The following HOOK2 variants were observed in gnomAD, a reference collection of about 807,000 sequenced individuals.
HOOK2 encodes the protein protein Hook homolog 2.
HOOK2 carries 108 observed loss-of-function variants against 111.9 expected under a neutral mutation model. The observed-to-expected ratio is 0.96, with a 90% CI of 0.83 to 1.13. The LOEUF (loss-of-function observed/expected upper bound fraction) is 1.13. HOOK2 is among the 50% of genes most tolerant of loss of function. HOOK2 has a pLI of 0.00. For synonymous variants in HOOK2, 405 were observed against 394.3 expected (o/e 1.03, Z -0.32); for missense variants, 978 against 951.3 (o/e 1.03, Z -0.37).
chr19:12,764,674 T>C (rs1332331576), intron 20 of HOOK2, 140 bp downstream of exon 20: 7 of 711,846 alleles, frequency 9.8e-6, no homozygotes, highest in Admixed American at 2.2e-5. Flanking sequence ...TGGGGAATCA[T>C]GCAGAAGTCT....
At chr19:12,765,239 C>T (rs953175072) in intron 18 of HOOK2, 158 bp from the exon 19 acceptor site, 2 of 692,132 alleles carry the variant, frequency 2.9e-6, no homozygotes, top group African/African-American at 1.8e-5. Flanking sequence ...GTGCCCTGGT[C>T]CCACCGGCTC....
chr19:12,790,835 G>A lies in HOOK2; in HGVS notation n.42-16610C>T, dbSNP rs886261847. ...CGCTTACGGGAGAGCCTCAGACTCT[G>A]GACTCAGCTCCCATGAGCTCCTGGA... On this transcript the variant is annotated intron_variant and non_coding_transcript_variant, in intron 3 of 3. Coordinates refer to the HOOK2 transcript ENST00000589765. This position sits in a 1 kb window ranked among gnomAD's most constrained non-coding sequence, Gnocchi z 7.2. 1.3e-5 allele frequency among the ~76,000 whole-genome samples: 2 copies of A among 152,146 alleles called. No homozygotes were observed. Among genetic ancestry groups the A allele is most frequent in the East Asian group, 1.9e-4 (1 of 5,188 alleles).
rs1423298759 is a variant in HOOK2, at chr19:12,771,390, G to A, written c.600+7C>T. ...CTCAAGTGACCCTGCCCCACCTAGG[G>A]CCCTACCTGCCGCTCCAGATCCAGA... On this transcript the variant is annotated splice_region_variant and intron_variant, in intron 8 of 22. Transcript: ENST00000397668. The A allele has an allele frequency of 6.2e-7, 1 of 1,612,330 alleles. No homozygotes were observed. The highest frequency in any genetic ancestry group is 1.3e-5 in the African/African-American group (1 of 74,912).
intron 1 of HOOK2, 121 bp from the exon 2 acceptor site, chr19:12,775,018 A>T: frequency 8.7e-7 from 1 of 1,148,864 alleles, no homozygotes; most frequent in Non-Finnish European, 1.2e-6. Context: ...GCTCCGCCAC[A>T]GCAGCTCTGC....
chr19:12,769,856 G>A, intron 11 of HOOK2, 25 bp downstream of exon 11: 2 of 1,391,816 alleles, frequency 1.4e-6, no homozygotes, highest in Non-Finnish European at 1.8e-6. Context: ...GCGGGGCCCC[G>A]GCCCTAACCC....
intron 6 of HOOK2, 120 bp from the exon 7 acceptor site, chr19:12,772,372 C>T: frequency 3.3e-6 from 4 of 1,205,306 alleles, no homozygotes; most frequent in Non-Finnish European, 4.9e-6. Context: ...GCCCAATAAC[C>T]CCAGCCCAGA....
At chr19:12,776,646 T>C (rs1968519755), upstream of HOOK2, among the ~76,000 whole-genome samples, 1 of 131,066 alleles carries the variant, frequency 7.6e-6, no homozygotes, top group African/African-American at 2.9e-5. Context: ...ACCACTGCAC[T>C]CCAGGGGGCA....
At position 12,791,673 on chromosome 19, in the gene HOOK2, C is replaced by A. The variant is rs571678347; in HGVS notation, n.42-17448G>T. 6 of 856,454 alleles carry A rather than the reference C, an allele frequency of 7.0e-6. No individual in the cohort carries two copies. The Admixed American group carries it at 1.3e-4, about 19-fold the overall frequency. The allele number at this position is 856,454 out of a possible 1,614,324, so 53.1% of individuals were successfully genotyped here. On this transcript the variant is annotated intron_variant and non_coding_transcript_variant, in intron 3 of 3. Transcript: ENST00000589765. This position sits in a 1 kb window ranked among gnomAD's most constrained non-coding sequence, Gnocchi z 7.0. ...CAGCCCCCGAGAACGCGCGACCAGG[C>A]ACCCAGTCCGGTCACCGCAGCGGAG... is the stretch of plus-strand genomic sequence containing the variant.
At chr19:12,770,826 A>C in intron 10 of HOOK2, 106 bp downstream of exon 10, 2 of 1,401,462 alleles carry the variant, frequency 1.4e-6, no homozygotes, top group Non-Finnish European at 1.9e-6. Context: ...TTGGGGGTTC[A>C]CTGGGCACAT....
At chr19:12,775,702 G>GC, upstream of HOOK2, 1 of 368,524 alleles carries the variant, frequency 2.7e-6, no homozygotes. Context: ...CGCCCGCCCT[G>GC]CCGCTAGGGG....
chr19:12,783,680 A>G (rs1568379743), intron 3 of HOOK2, among the ~76,000 whole-genome samples: 1 of 151,994 alleles, frequency 6.6e-6, no homozygotes, highest in Non-Finnish European at 1.5e-5. Context: ...CCCATCTGAA[A>G]ATGAGGGATC....
rs201910676 is a variant in HOOK2, at chr19:12,766,197, T to G, written c.1417A>C (p.Arg473=). 12,966 of 1,596,032 alleles carry G rather than the reference T, an allele frequency of 8.1e-3. 74 individuals carry two copies. Among genetic ancestry groups the G allele is most frequent in the Non-Finnish European group, 0.01 (11,983 of 1,177,886 alleles). ...CGCTCCCGGTCGGCCGCCTCCTGCC[T>G]GCACAGCCGCTTGTTCTCCAGCTGA... is the stretch of plus-strand genomic sequence containing the variant. ...RLQLENKRLC[R]QEAADRERQE... The change falls in exon 15 of 23, where the codon AGG becomes CGG. Residue 473 remains arginine, a synonymous_variant. Coordinates refer to ENST00000397668, the MANE Select transcript of HOOK2 (RefSeq NM_013312.3).
upstream of HOOK2, among the ~76,000 whole-genome samples, chr19:12,782,500 C>T (rs1033613466): frequency 2.0e-4 from 30 of 152,364 alleles, no homozygotes; most frequent in African/African-American, 7.0e-4. Flanking sequence ...CCCCGCCGTT[C>T]CCCTCCGGGA....
chr19:12,763,736 C>T lies in HOOK2; in HGVS notation c.1870G>A (p.Ala624Thr), dbSNP rs772162051. 7 of 1,614,132 alleles carry T rather than the reference C, an allele frequency of 4.3e-6. No homozygotes were observed. The highest frequency in any genetic ancestry group is 2.2e-5 in the East Asian group (1 of 44,876). Reference sequence around the variant, plus strand: ...CTCAGGGAATGGAGTTCTGGAGGTGCCCCCGCAGCTGGCCGCTGCTTGGGT... The same window carrying T: ...CTCAGGGAATGGAGTTCTGGAGGTGTCCCCGCAGCTGGCCGCTGCTTGGGT... ...MEPKQRPAAG[A>T]PPELHSLRTQ... Residue 624 changes from alanine to threonine, a missense_variant, in exon 21 of 23, where the codon GCA becomes ACA. Ala to Thr is a moderately conservative substitution (Grantham distance 58). Transcript: ENST00000397668.
chr19:12,785,488 CAT>C (rs1385428901), intron 3 of HOOK2, among the ~76,000 whole-genome samples: 1 of 152,088 alleles, frequency 6.6e-6, no homozygotes, highest in African/African-American at 2.4e-5. Flanking sequence ...CACAAACACA[CAT>C]ACACACCGAC....
rs761506507 is a variant in HOOK2, at chr19:12,763,751, G to A, written c.1855C>T (p.Arg619Trp). Residue 619 changes from arginine (R) to tryptophan (W), a missense_variant, in exon 21 of 23, where the codon CGG becomes TGG. Physicochemically the swap from Arg to Trp is moderately radical, Grantham distance 101. Around this residue, in one of 5 missense-constraint regions of HOOK2, gnomAD observed 277 missense variants for 265.8 expected, o/e 1.04. Coordinates refer to ENST00000397668, the MANE Select transcript of HOOK2 (RefSeq NM_013312.3). Reference sequence around the variant, plus strand: ...TCTGGAGGTGCCCCCGCAGCTGGCCGCTGCTTGGGTTCCATGGTCTGCATG... The same window carrying A: ...TCTGGAGGTGCCCCCGCAGCTGGCCACTGCTTGGGTTCCATGGTCTGCATG... ...MVMQTMEPKQ[R>W]PAAGAPPELH... is the part of the protein sequence containing the mutation. 6 of 1,614,032 alleles carry A rather than the reference G, an allele frequency of 3.7e-6. No individual in the cohort carries two copies. Among genetic ancestry groups the A allele is most frequent in the South Asian group, 1.1e-5 (1 of 91,092 alleles).
chr19:12,786,842 G>C lies in HOOK2; in HGVS notation n.42-12617C>G, dbSNP rs1296062843. Among the ~76,000 whole-genome samples, 26 of 152,116 alleles carry C rather than the reference G, an allele frequency of 1.7e-4. No homozygotes were observed. The highest frequency in any genetic ancestry group is 1.7e-3 in the Admixed American group (26 of 15,274). On this transcript the variant is annotated intron_variant and non_coding_transcript_variant, in intron 3 of 3. Transcript: ENST00000589765. This position sits in a 1 kb window ranked among gnomAD's most constrained non-coding sequence, Gnocchi z 4.3. ...TGTCCACAGAGACCCGTGCCCCTCT[G>C]TCTGTGCCCCACCACATTTCTCCCC...
In HOOK2 at chr19:12,786,115, G is replaced by C. The variant is rs1968653742; in HGVS notation, n.42-11890C>G. ...GAAAACCTAGCAGCTTCCTCTCCAG[G>C]AGAGGGGGCAAAGGACCCCCAAACC... On this transcript the variant is annotated intron_variant and non_coding_transcript_variant, in intron 3 of 3. Coordinates refer to the HOOK2 transcript ENST00000589765. The surrounding 1 kb of genome is among the most constrained non-coding windows in gnomAD (Gnocchi z 4.3). 6.6e-6 allele frequency among the ~76,000 whole-genome samples: 1 copy of C among 152,210 alleles called. No individual in the cohort carries two copies. Among genetic ancestry groups the C allele is most frequent in the South Asian group, 2.1e-4 (1 of 4,828 alleles).
upstream of HOOK2, chr19:12,775,602 C>A: frequency 1.6e-6 from 1 of 636,980 alleles, no homozygotes; most frequent in Non-Finnish European, 2.3e-6. Context: ...GCCCCGCCCC[C>A]AAGCCCAGGC....
Sources: gnomAD v4.1 joint callset for allele counts (sites outside exome capture counted in the v4.1 genomes callset) on GRCh38, gnomAD v4.1.1 for gene constraint, gnomAD v4.1.1 regional missense constraint, Gnocchi (gnomAD v3.1) non-coding constraint, MANE v1.5 for transcripts, NCBI Gene and HGNC (gene_info 2026-07-23, HGNC 2026-07-21) for gene names.